Variants in GLRA2 observed in about 807,000 individuals in gnomAD.
GLRA2 encodes glycine receptor alpha 2.
Under a neutral mutation model 31.6 loss-of-function variants are expected in GLRA2, and 11 were observed. That is an observed-to-expected ratio of 0.35 (90% confidence interval 0.22 to 0.58). GLRA2 has a LOEUF of 0.58. Among genes scored for constraint, GLRA2 ranks in the 20% least tolerant of loss-of-function variants. The pLI is 0.84. For missense variants in GLRA2, 212 were observed against 351.8 expected, an observed-to-expected ratio of 0.60 and a Z score of 3.18; for synonymous variants, 132 against 134.0, an observed-to-expected ratio of 0.99 and a Z score of 0.10.
chrX:14,571,785 A>C (rs2089888304), intron 2 of GLRA2, among the ~76,000 whole-genome samples: 1 of 108,437 alleles, frequency 9.2e-6, no homozygotes, highest in Non-Finnish European at 1.9e-5. Context: ...AAAAGTGCCC[A>C]AAATTGAAAA....
intron 7 of GLRA2, among the ~76,000 whole-genome samples, chrX:14,623,133 C>G (rs1024741467): frequency 1.8e-5 from 2 of 111,158 alleles, no homozygotes; most frequent in African/African-American, 6.5e-5. Context: ...AGTTCACTCA[C>G]GATTTTGCTC....
chrX:14,460,940 A>G, the GLRA2 span, among the ~76,000 whole-genome samples: 3 of 110,488 alleles, frequency 2.7e-5, no homozygotes, highest in African/African-American at 9.9e-5. Context: ...AGTTCTTTTA[A>G]TTGTGATGTT....
chrX:14,649,682 C>T (rs2090869056), intron 7 of GLRA2, among the ~76,000 whole-genome samples: 1 of 111,197 alleles, frequency 9.0e-6, no homozygotes, highest in African/African-American at 3.3e-5. Flanking sequence ...TAAATAAAGT[C>T]CAAGACGCAA....
chrX:14,663,640 C>T (rs982184917), intron 7 of GLRA2, among the ~76,000 whole-genome samples: 14 of 110,603 alleles, frequency 1.3e-4, no homozygotes, highest in Non-Finnish European at 2.5e-4. Context: ...TGACCAAGTA[C>T]GATTTATTTA....
At chrX:14,568,510 T>C (rs1483202924) in intron 2 of GLRA2, among the ~76,000 whole-genome samples, 1 of 109,292 alleles carries the variant, frequency 9.1e-6, no homozygotes, top group African/African-American at 3.3e-5. Context: ...CTGACCAACA[T>C]GGTGAAACCC....
chrX:14,468,734 C>T, the GLRA2 span, among the ~76,000 whole-genome samples: 50 of 111,369 alleles, frequency 4.5e-4, no homozygotes, highest in African/African-American at 1.3e-3. Context: ...CCTGAGGAAT[C>T]GCCACACTGA....
chrX:14,492,385 T>C, the GLRA2 span, among the ~76,000 whole-genome samples: 1 of 111,229 alleles, frequency 9.0e-6, no homozygotes, highest in East Asian at 2.8e-4. Context: ...TCAAAAGGTA[T>C]TGAGAACTTC....
At chrX:14,548,391 G>T (rs2089509791) in intron 2 of GLRA2, among the ~76,000 whole-genome samples, 1 of 111,296 alleles carries the variant, frequency 9.0e-6, no homozygotes, top group African/African-American at 3.3e-5. Flanking sequence ...CCAGGTTTTT[G>T]TGCACTTTCT....
intron 7 of GLRA2, among the ~76,000 whole-genome samples, chrX:14,624,235 T>C (rs2090560182): frequency 1.8e-5 from 2 of 111,802 alleles, no homozygotes; most frequent in Admixed American, 1.9e-4. Context: ...TTGATTCTTC[T>C]TTCTTTTCTT....
At chrX:14,538,697 G>C (rs1480812843) in intron 2 of GLRA2, among the ~76,000 whole-genome samples, 1 of 111,685 alleles carries the variant, frequency 9.0e-6, no homozygotes, top group Non-Finnish European at 1.9e-5. Flanking sequence ...AACCAAATAA[G>C]AGAAATAGAA....
At chrX:14,585,298 T>C (rs745905174) in intron 4 of GLRA2, among the ~76,000 whole-genome samples, 16 of 111,685 alleles carry the variant, frequency 1.4e-4, no homozygotes, top group Non-Finnish European at 2.8e-4. Context: ...TAAGATGTGG[T>C]CTTTCCCCTG....
At chrX:14,688,219 G>A (rs1042617362) in intron 7 of GLRA2, among the ~76,000 whole-genome samples, 1 of 111,431 alleles carries the variant, frequency 9.0e-6, no homozygotes, top group African/African-American at 3.3e-5. Context: ...CTACTCAGGG[G>A]TGCCTCCCAG....
intron 2 of GLRA2, among the ~76,000 whole-genome samples, chrX:14,539,141 A>G (rs544286901): frequency 5.0e-4 from 56 of 111,350 alleles, no homozygotes; most frequent in African/African-American, 1.8e-3. Context: ...AATGGACAGT[A>G]TAATGTGTTC....
intron 2 of GLRA2, among the ~76,000 whole-genome samples, chrX:14,546,747 T>A (rs192408069): frequency 1.8e-5 from 2 of 111,421 alleles, no homozygotes; most frequent in Non-Finnish European, 3.8e-5. Flanking sequence ...GCTGAAGGAA[T>A]CTTTGTGATG....
At chrX:14,588,978 T>A (rs952510729) in intron 4 of GLRA2, among the ~76,000 whole-genome samples, 5 of 112,265 alleles carry the variant, frequency 4.5e-5, no homozygotes, top group Non-Finnish European at 1.9e-5. Flanking sequence ...GCCTTTTGGC[T>A]GAGTCTTTAG....
intron 7 of GLRA2, among the ~76,000 whole-genome samples, chrX:14,687,624 G>A (rs1052411584): frequency 1.5e-4 from 17 of 112,219 alleles, no homozygotes; most frequent in African/African-American, 5.2e-4. Context: ...CATGCGTCAC[G>A]TAGTTCTTGC....
chrX:14,535,997 A>G (rs187578633), intron 2 of GLRA2, among the ~76,000 whole-genome samples: 1 of 112,422 alleles, frequency 8.9e-6, no homozygotes, highest in Non-Finnish European at 1.9e-5. Context: ...GAATAAATAC[A>G]TTTCACTAAA....
intron 3 of GLRA2, among the ~76,000 whole-genome samples, chrX:14,580,578 C>A (rs1313934856): frequency 1.8e-5 from 2 of 112,074 alleles, no homozygotes; most frequent in Non-Finnish European, 3.8e-5. Context: ...ATCAAGTTGG[C>A]TAGTGTAGAT....
the GLRA2 span, among the ~76,000 whole-genome samples, chrX:14,502,793 T>C: frequency 3.7e-5 from 4 of 108,584 alleles, no homozygotes; most frequent in African/African-American, 1.3e-4. Context: ...ACGCATATCA[T>C]GGCGTTTTTG....
Sources: gnomAD v4.1 joint callset for allele counts (sites outside exome capture counted in the v4.1 genomes callset) on GRCh38, gnomAD v4.1.1 for gene constraint, MANE v1.5 for transcripts, NCBI Gene and HGNC (gene_info 2026-07-23, HGNC 2026-07-21) for gene names.